NKD1: variants seen among roughly 807,000 people sequenced by gnomAD.
NKD1 encodes NKD inhibitor of Wnt signaling pathway 1, also known as protein naked cuticle homolog 1.
A neutral mutation model predicts 56.0 loss-of-function variants in NKD1; 21 were observed. That is an observed-to-expected ratio of 0.38 (90% CI 0.27 to 0.54). The LOEUF is 0.54. Ranked by LOEUF, NKD1 falls within the 20% of genes least tolerant of loss-of-function variation. The probability of loss-of-function intolerance (pLI) is 0.82; values close to 1 mark genes in which losing one functional copy is unlikely to be tolerated. For missense variants in NKD1, 578 were observed against 642.7 expected, an observed-to-expected ratio of 0.90 and a Z score of 1.09; for synonymous variants, 263 against 265.7, an observed-to-expected ratio of 0.99 and a Z score of 0.10.
chr16:50,581,822 G>A (rs556915364), intron 3 of NKD1, among the ~76,000 whole-genome samples: 9 of 152,204 alleles, frequency 5.9e-5, no homozygotes, highest in Non-Finnish European at 1.2e-4. Context: ...GGGCAGAATT[G>A]TGTGTGTAGG....
At chr16:50,610,334 T>C (rs1961815626) in intron 4 of NKD1, among the ~76,000 whole-genome samples, 1 of 152,226 alleles carries the variant, frequency 6.6e-6, no homozygotes, top group Non-Finnish European at 1.5e-5. Context: ...GACCTGTCCG[T>C]GTGGCCCTTA....
At chr16:50,562,017 T>C (rs946979307) in intron 3 of NKD1, among the ~76,000 whole-genome samples, 25 of 152,052 alleles carry the variant, frequency 1.6e-4, no homozygotes, top group African/African-American at 5.8e-4. Flanking sequence ...GACTAAGAAA[T>C]ATGTGCAGGG....
Position 50,646,927 on chromosome 16 carries a change from C to T in NKD1, c.*13146C>T, listed in dbSNP as rs1189996970. ...CCACCCAGACCCCACCACATTCAGCCCTCTGTGCTTTTCTTGTCTCCCACA... is the reference window on the plus strand; with the variant it reads ...CCACCCAGACCCCACCACATTCAGCTCTCTGTGCTTTTCTTGTCTCCCACA... On this transcript the variant is annotated 3_prime_UTR_variant, in exon 10 of 10. Coordinates refer to ENST00000268459, the MANE Select transcript of NKD1 (RefSeq NM_033119.5). The T allele has an allele frequency of 6.6e-6, 1 of 152,266 alleles. No individual in the cohort carries two copies. Among genetic ancestry groups the T allele is most frequent in the Non-Finnish European group, 1.5e-5 (1 of 68,048 alleles). 9.4% of individuals were successfully genotyped at this position (152,266 alleles called of 1,614,324 possible).
At chr16:50,553,258 CCT>C (rs940245028) in intron 3 of NKD1, among the ~76,000 whole-genome samples, 4 of 152,210 alleles carry the variant, frequency 2.6e-5, no homozygotes, top group African/African-American at 4.8e-5. Context: ...GACCTGTGTG[CCT>C]CTGTATATGC....
At position 50,612,955 on chromosome 16, in the gene NKD1, A is replaced by G. The variant is rs979578601; in HGVS notation, c.259+4595A>G. Reference sequence around the variant, plus strand: ...GGCAATGAAACCAGGAGGTGACTGCAGGGTCGCAGGCGAGAGGAGATGGTG... The same window carrying G: ...GGCAATGAAACCAGGAGGTGACTGCGGGGTCGCAGGCGAGAGGAGATGGTG... On this transcript the variant is annotated intron_variant, in intron 4 of 9. Transcript: ENST00000268459. Among the ~76,000 whole-genome samples the G allele has an allele frequency of 7.9e-5, 12 of 152,062 alleles. 1 individual carries two copies. The highest frequency in any genetic ancestry group is 2.9e-4 in the African/African-American group (12 of 41,410).
chr16:50,575,739 C>A (rs1489319308), intron 3 of NKD1, among the ~76,000 whole-genome samples: 1 of 152,156 alleles, frequency 6.6e-6, no homozygotes, highest in African/African-American at 2.4e-5. Flanking sequence ...ACATAAAAAT[C>A]CAGATAGAAG....
At chr16:50,622,101 T>G (rs574282141) in intron 5 of NKD1, among the ~76,000 whole-genome samples, 88 of 151,962 alleles carry the variant, frequency 5.8e-4, no homozygotes, top group Non-Finnish European at 1.1e-3. Flanking sequence ...GGATCTCAGG[T>G]GGGATGGATG....
At chr16:50,587,027 A>G (rs1415855794) in intron 3 of NKD1, among the ~76,000 whole-genome samples, 1 of 152,110 alleles carries the variant, frequency 6.6e-6, no homozygotes, top group African/African-American at 2.4e-5. Context: ...CTACCCCTTC[A>G]CCATTATGCC....
At chr16:50,600,970 A>G (rs1287361056) in intron 3 of NKD1, among the ~76,000 whole-genome samples, 1 of 152,196 alleles carries the variant, frequency 6.6e-6, no homozygotes. Flanking sequence ...GAGCATGTCG[A>G]TTGCATCTTG....
Position 50,561,795 on chromosome 16 carries a change from C to G in NKD1, c.192+12240C>G, listed in dbSNP as rs141078635. The stretch of plus-strand genomic sequence containing the variant: ...AGCCTAGATTTAGGGGAAGGAACTA[C>G]ACAGGGGCATAAATACTGGGAAGTG... On this transcript the variant is annotated intron_variant, in intron 3 of 9. Transcript: ENST00000268459. 1.2e-4 allele frequency among the ~76,000 whole-genome samples: 19 copies of G among 152,310 alleles called. No homozygotes were observed. The East Asian group carries it at 2.9e-3, about 23-fold the overall frequency.
chr16:50,611,084 T>G (rs569262419), intron 4 of NKD1, among the ~76,000 whole-genome samples: 116 of 152,304 alleles, frequency 7.6e-4, no homozygotes, highest in African/African-American at 2.7e-3. Flanking sequence ...AGTCGCAGCC[T>G]GCGGCTTGGG....
chr16:50,560,010 G>T (rs1960589077), intron 3 of NKD1, among the ~76,000 whole-genome samples: 1 of 152,204 alleles, frequency 6.6e-6, no homozygotes, highest in African/African-American at 2.4e-5. Context: ...GTGGGTTTGG[G>T]GGTGCTGGTG....
At chr16:50,617,288 CCCCT>C (rs1961985014) in intron 4 of NKD1, among the ~76,000 whole-genome samples, 1 of 152,204 alleles carries the variant, frequency 6.6e-6, no homozygotes, top group African/African-American at 2.4e-5. Context: ...TTCCTCCCCA[CCCCT>C]CCCTTTTTTA....
chr16:50,633,934 G>A lies in NKD1; in HGVS notation c.*153G>A. The A allele has an allele frequency of 1.9e-6, 1 of 521,918 alleles. No individual in the cohort carries two copies. Among genetic ancestry groups the A allele is most frequent in the East Asian group, 3.3e-5 (1 of 30,686 alleles). 32.3% of individuals were successfully genotyped at this position (521,918 alleles called of 1,614,324 possible). ...ATATTTAGCTAGCCTACATGTAGAA[G>A]ATCTATGGAAACACAGAACTAAACT... On this transcript the variant is annotated 3_prime_UTR_variant, in exon 10 of 10. Transcript: ENST00000268459. This position sits in a 1 kb window ranked among gnomAD's most constrained non-coding sequence, Gnocchi z 4.9.
At position 50,598,874 on chromosome 16, in the gene NKD1, T is replaced by C. The variant is rs938000214; in HGVS notation, c.193-9420T>C. ...TGTTCAGTGGTGTGGCGGGCAGTGG[T>C]GGGGCAGGATCAGTGGTGTGGTGGG... On this transcript the variant is annotated intron_variant, in intron 3 of 9. Coordinates refer to ENST00000268459, the MANE Select transcript of NKD1 (RefSeq NM_033119.5). The surrounding 1 kb of genome is among the most constrained non-coding windows in gnomAD (Gnocchi z 4.2). Among the ~76,000 whole-genome samples the C allele has an allele frequency of 6.3e-4, 89 of 140,968 alleles. 1 individual carries two copies. The highest frequency in any genetic ancestry group is 2.3e-3 in the African/African-American group (86 of 37,042). The allele number at this position is 140,968 out of a possible 152,430, so 92.5% of individuals were successfully genotyped here.
chr16:50,571,132 C>T (rs1960874053), intron 3 of NKD1, among the ~76,000 whole-genome samples: 1 of 152,222 alleles, frequency 6.6e-6, no homozygotes, highest in Non-Finnish European at 1.5e-5. Flanking sequence ...CTGCTCAACA[C>T]AGACAGTTGG....
intron 3 of NKD1, among the ~76,000 whole-genome samples, chr16:50,553,102 G>T (rs532628955): frequency 1.3e-5 from 2 of 152,232 alleles, no homozygotes; most frequent in Admixed American, 1.3e-4. Context: ...GAGGATGCTG[G>T]AAACATGAAG....
intron 3 of NKD1, among the ~76,000 whole-genome samples, chr16:50,564,193 T>C (rs190468431): frequency 5.8e-4 from 88 of 152,342 alleles, no homozygotes; most frequent in Non-Finnish European, 1.0e-3. Flanking sequence ...ATGGCCATGG[T>C]GGGGAATGAT....
At chr16:50,567,243 T>C (rs1164333963) in intron 3 of NKD1, among the ~76,000 whole-genome samples, 1 of 152,218 alleles carries the variant, frequency 6.6e-6, no homozygotes, top group East Asian at 1.9e-4. Context: ...ACTGAAGTGT[T>C]AGCATGCAGT....
Sources: allele counts gnomAD v4.1 joint callset (sites outside exome capture counted in the v4.1 genomes callset), GRCh38; gene constraint gnomAD v4.1.1; non-coding constraint Gnocchi (gnomAD v3.1); transcripts MANE v1.5; gene names NCBI Gene and HGNC (gene_info 2026-07-23, HGNC 2026-07-21).